The following IGF2BP3 variants were observed in gnomAD, a reference collection of about 807,000 sequenced individuals.
IGF2BP3 encodes the protein insulin-like growth factor 2 mRNA-binding protein 3.
A neutral mutation model predicts 73.8 loss-of-function variants in IGF2BP3; 9 were observed. The observed-to-expected ratio is 0.12, with a 90% CI of 0.07 to 0.21. IGF2BP3 has a LOEUF of 0.21. IGF2BP3 is among the 10% of genes least tolerant of loss of function. The pLI is 1.00. For missense variants in IGF2BP3, 542 were observed against 714.0 expected, an observed-to-expected ratio of 0.76 and a Z score of 2.75; for synonymous variants, 258 against 256.7, an observed-to-expected ratio of 1.01 and a Z score of -0.05.
chr7:23,335,273 T>G (rs1332727431), intron 10 of IGF2BP3, among the ~76,000 whole-genome samples: 1 of 143,116 alleles, frequency 7.0e-6, no homozygotes, highest in Non-Finnish European at 1.5e-5. Flanking sequence ...TTTAAAAAAT[T>G]CCTTCCAACT....
chr7:23,343,989 G>A, intron 8 of IGF2BP3, 136 bp from the exon 9 acceptor site: 1 of 765,374 alleles, frequency 1.3e-6, no homozygotes, highest in Non-Finnish European at 2.1e-6. Context: ...AACATGATGG[G>A]AAATGAGTAA....
chr7:23,461,862 A>G (rs11766929), intron 2 of IGF2BP3, among the ~76,000 whole-genome samples: 2 of 152,300 alleles, frequency 1.3e-5, no homozygotes, highest in Non-Finnish European at 2.9e-5. Flanking sequence ...GTCTATTTCC[A>G]TATCTCCCCT....
chr7:23,366,282 C>A lies in IGF2BP3; in HGVS notation c.286-4541G>T, dbSNP rs1435224243. On this transcript the variant is annotated intron_variant, in intron 3 of 14. Coordinates refer to ENST00000258729, the MANE Select transcript of IGF2BP3 (RefSeq NM_006547.3). ...CCTCCCAAGTAGCTGGGATTACAGG[C>A]ACACACCACTACACCCAGCTAATTT... is the stretch of plus-strand genomic sequence containing the variant. Among the ~76,000 whole-genome samples the A allele has an allele frequency of 3.9e-5, 6 of 151,962 alleles. No homozygotes were observed. In the East Asian group the frequency reaches 1.2e-3, roughly 29 times the overall value.
At chr7:23,361,396 A>T in intron 5 of IGF2BP3, 138 bp downstream of exon 5, 1 of 627,248 alleles carries the variant, frequency 1.6e-6, no homozygotes, top group African/African-American at 1.8e-5. Flanking sequence ...AAAGAAAGGC[A>T]CGATTACAGG....
At chr7:23,344,098 T>A (rs1420876653) in intron 8 of IGF2BP3, among the ~76,000 whole-genome samples, 1 of 152,216 alleles carries the variant, frequency 6.6e-6, no homozygotes. Context: ...TACATATAGT[T>A]CAATCAAGTC....
intron 10 of IGF2BP3, among the ~76,000 whole-genome samples, chr7:23,340,894 G>C (rs540118613): frequency 6.7e-6 from 1 of 148,752 alleles, no homozygotes; most frequent in South Asian, 2.1e-4. Context: ...CTGTCGCCCA[G>C]GCTGGAGTGC....
chr7:23,400,777 G>A (rs1263601953), intron 3 of IGF2BP3, among the ~76,000 whole-genome samples: 1 of 152,212 alleles, frequency 6.6e-6, no homozygotes, highest in Admixed American at 6.5e-5. Context: ...TGAGCTGGAA[G>A]AGCAGAAGTA....
At chr7:23,433,517 G>A (rs1219556797) in intron 2 of IGF2BP3, among the ~76,000 whole-genome samples, 2 of 131,678 alleles carry the variant, frequency 1.5e-5, no homozygotes, top group Non-Finnish European at 3.2e-5. Flanking sequence ...CAGGGTTTTT[G>A]CTCTCTCGCC....
chr7:23,373,597 T>C (rs1181188166), intron 3 of IGF2BP3, among the ~76,000 whole-genome samples: 1 of 152,220 alleles, frequency 6.6e-6, no homozygotes, highest in East Asian at 1.9e-4. Context: ...CCTCATACAT[T>C]GCTGGATAAA....
intron 2 of IGF2BP3, 30 bp from the exon 3 acceptor site, chr7:23,418,854 G>A: frequency 2.7e-6 from 4 of 1,457,756 alleles, no homozygotes; most frequent in South Asian, 1.3e-5. Context: ...TTTTTTAAAA[G>A]AAAAAAACAT....
At chr7:23,454,017 G>A (rs1006791268) in intron 2 of IGF2BP3, among the ~76,000 whole-genome samples, 8 of 152,178 alleles carry the variant, frequency 5.3e-5, no homozygotes, top group South Asian at 2.1e-4. Context: ...TTGCAGGGAC[G>A]GGGTTTCGCC....
chr7:23,343,771 C>T lies in IGF2BP3; in HGVS notation c.1024G>A (p.Glu342Lys). 6.2e-7 allele frequency: 1 copy of T among 1,612,896 alleles called. No individual in the cohort carries two copies. Among genetic ancestry groups the T allele is most frequent in the South Asian group, 1.1e-5 (1 of 91,050 alleles). ...GACTCCCTGATTTTCTTCATGATCT[C>T]CTCCTCAGCTTTGGCACATGTCTCA... ...NVETCAKAEE[E>K]IMKKIRESYE... is the part of the protein sequence containing the mutation. The change falls in exon 9 of 15, where the codon GAG becomes AAG. Residue 342 changes from glutamate (E) to lysine (K), a missense_variant. Glu to Lys is a moderately conservative substitution (Grantham distance 56). Transcript: ENST00000258729.
intron 2 of IGF2BP3, among the ~76,000 whole-genome samples, chr7:23,466,488 G>A: frequency 6.6e-6 from 1 of 152,152 alleles, no homozygotes. Flanking sequence ...AATTTACATT[G>A]TTAAAAATGA....
chr7:23,442,421 G>A (rs2128545472), intron 2 of IGF2BP3, among the ~76,000 whole-genome samples: 1 of 151,146 alleles, frequency 6.6e-6, no homozygotes, highest in East Asian at 1.9e-4. Context: ...TTTTTTAGAT[G>A]GAGACTTGCT....
chr7:23,329,123 G>C (rs1417549651), intron 10 of IGF2BP3, among the ~76,000 whole-genome samples: 1 of 151,764 alleles, frequency 6.6e-6, no homozygotes, highest in Non-Finnish European at 1.5e-5. Flanking sequence ...TGAGGCAGGA[G>C]AATGGCATGA....
intron 10 of IGF2BP3, among the ~76,000 whole-genome samples, chr7:23,338,748 A>C (rs1045832340): frequency 2.0e-5 from 3 of 152,214 alleles, no homozygotes; most frequent in Non-Finnish European, 4.4e-5. Context: ...GATAATTATA[A>C]TTTAAGTATG....
At chr7:23,405,778 T>C (rs1786810161) in intron 3 of IGF2BP3, among the ~76,000 whole-genome samples, 2 of 152,174 alleles carry the variant, frequency 1.3e-5, no homozygotes, top group Non-Finnish European at 2.9e-5. Flanking sequence ...GAAAAAATTG[T>C]TTTAATGCAT....
At chr7:23,432,631 T>C (rs2128542441) in intron 2 of IGF2BP3, among the ~76,000 whole-genome samples, 1 of 151,562 alleles carries the variant, frequency 6.6e-6, no homozygotes, top group Admixed American at 6.6e-5. Context: ...ATGTGCTTCA[T>C]TTTTTAATTT....
At chr7:23,428,107 T>C (rs1391261013) in intron 2 of IGF2BP3, among the ~76,000 whole-genome samples, 1 of 150,004 alleles carries the variant, frequency 6.7e-6, no homozygotes, top group African/African-American at 2.5e-5. Context: ...ACCCAGGAGG[T>C]GGAGGCTGCA....
Sources: allele counts gnomAD v4.1 joint callset (sites outside exome capture counted in the v4.1 genomes callset), GRCh38; gene constraint gnomAD v4.1.1; transcripts MANE v1.5; gene names NCBI Gene and HGNC (gene_info 2026-07-23, HGNC 2026-07-21).